The following EFCAB6 variants were observed in gnomAD, a reference collection of about 807,000 sequenced individuals.
EFCAB6 encodes EF-hand calcium-binding domain-containing protein 6.
Under a neutral mutation model 169.8 loss-of-function variants are expected in EFCAB6, and 156 were observed. That is an observed-to-expected ratio of 0.92 (90% CI 0.81 to 1.05). EFCAB6 has a LOEUF of 1.05. Ranked by LOEUF, EFCAB6 falls within the 50% of genes least tolerant of loss-of-function variation. The pLI, the probability that EFCAB6 is intolerant of heterozygous loss-of-function variation, is 0.00. For synonymous variants in EFCAB6, 698 were observed against 676.4 expected (o/e 1.03, Z -0.50); for missense variants, 1,800 against 1,829.1 (o/e 0.98, Z 0.29).
chr22:43,735,429 C>T (rs991321256), intron 7 of EFCAB6, among the ~76,000 whole-genome samples: 4 of 150,228 alleles, frequency 2.7e-5, no homozygotes, highest in Non-Finnish European at 5.9e-5. Flanking sequence ...GCAGAGCCAA[C>T]GGGGAGCACA....
chr22:43,530,015 T>C (rs2048156688), intron 31 of EFCAB6, among the ~76,000 whole-genome samples: 1 of 152,102 alleles, frequency 6.6e-6, no homozygotes, highest in South Asian at 2.1e-4. Context: ...GGGGCTGAGG[T>C]CAGCAGGCCT....
chr22:43,606,270 ATACAGCACTTAAT>A (rs2052911326), intron 22 of EFCAB6, among the ~76,000 whole-genome samples: 1 of 152,220 alleles, frequency 6.6e-6, no homozygotes, highest in Non-Finnish European at 1.5e-5. Flanking sequence ...CCTGACAGGG[ATACAGCACTTAAT>A]TACCAAGACT....
intron 4 of EFCAB6, among the ~76,000 whole-genome samples, chr22:43,769,807 G>A (rs1374960755): frequency 6.6e-6 from 1 of 151,972 alleles, no homozygotes; most frequent in South Asian, 2.1e-4. Flanking sequence ...GTGCATTAGC[G>A]TGATCGTGGC....
chr22:43,719,995 A>G (rs1020630874), intron 8 of EFCAB6, among the ~76,000 whole-genome samples: 4 of 152,190 alleles, frequency 2.6e-5, no homozygotes, highest in African/African-American at 9.7e-5. Flanking sequence ...TTGCTAAGAG[A>G]ATAGATGTTA....
rs1569181609 is a variant in EFCAB6, at chr22:43,574,563, T to C, written c.3420+1734A>G. Among the ~76,000 whole-genome samples the C allele has an allele frequency of 2.6e-5, 4 of 152,190 alleles. No homozygotes were observed. In the Middle Eastern group the frequency reaches 0.014, roughly 518 times the overall value. On this transcript the variant is annotated intron_variant, in intron 26 of 31. Coordinates refer to ENST00000262726, the MANE Select transcript of EFCAB6 (RefSeq NM_022785.4). ...TCATCATCCCCATCATCGTGGGGTC[T>C]AGATTACTGCTATCCTTTTTTACGT...
chr22:43,811,647 A>C (rs895936425), intron 1 of EFCAB6, among the ~76,000 whole-genome samples: 5 of 152,188 alleles, frequency 3.3e-5, no homozygotes, highest in Admixed American at 6.5e-5. Context: ...GTGATACAGA[A>C]ATGAGTTTGA....
chr22:43,577,688 T>C (rs935590686), intron 25 of EFCAB6, among the ~76,000 whole-genome samples: 1 of 152,082 alleles, frequency 6.6e-6, no homozygotes, highest in African/African-American at 2.4e-5. Flanking sequence ...ATCATAAGAA[T>C]GAACACAGAC....
At chr22:43,571,416 C>T (rs2049865761) in intron 26 of EFCAB6, among the ~76,000 whole-genome samples, 1 of 152,148 alleles carries the variant, frequency 6.6e-6, no homozygotes, top group African/African-American at 2.4e-5. Context: ...TGTGCATCCC[C>T]CAGAGGGAAA....
Position 43,635,249 on chromosome 22 carries a change from G to T in EFCAB6, c.1984-33C>A, listed in dbSNP as rs540280597. ...GGGAGACAGGGGAGGGTGGAGAGGC[G>T]TTAGGTGGTCCGCGGGTCACTACTC... On this transcript the variant is annotated intron_variant, in intron 17 of 31. Coordinates refer to ENST00000262726, the MANE Select transcript of EFCAB6 (RefSeq NM_022785.4). 5 of 1,531,718 alleles carry T rather than the reference G, an allele frequency of 3.3e-6. No individual in the cohort carries two copies. In the South Asian group the frequency reaches 5.6e-5, roughly 17 times the overall value. The allele number at this position is 1,531,718 out of a possible 1,614,324, so 94.9% of individuals were successfully genotyped here.
chr22:43,681,034 G>T (rs2057986403), intron 12 of EFCAB6, among the ~76,000 whole-genome samples: 1 of 152,196 alleles, frequency 6.6e-6, no homozygotes, highest in African/African-American at 2.4e-5. Flanking sequence ...TTCTCGTGCT[G>T]TCCCTGATCT....
intron 20 of EFCAB6, among the ~76,000 whole-genome samples, chr22:43,617,989 C>T (rs1461252226): frequency 6.6e-6 from 1 of 151,188 alleles, no homozygotes; most frequent in African/African-American, 2.4e-5. Flanking sequence ...ATAATCCCAG[C>T]TACTTGGGAG....
intron 17 of EFCAB6, among the ~76,000 whole-genome samples, chr22:43,637,674 C>G (rs370599284): frequency 1.3e-5 from 2 of 152,088 alleles, no homozygotes; most frequent in African/African-American, 4.8e-5. Context: ...CTGTGGAATT[C>G]GGCAGGAAGC....
chr22:43,707,750 A>G (rs896234444), intron 10 of EFCAB6, among the ~76,000 whole-genome samples: 5 of 152,170 alleles, frequency 3.3e-5, no homozygotes, highest in African/African-American at 9.7e-5. Flanking sequence ...CTACCAAAAG[A>G]TATACCTCAG....
intron 10 of EFCAB6, among the ~76,000 whole-genome samples, chr22:43,689,701 A>G (rs1460687001): frequency 1.3e-5 from 2 of 152,166 alleles, no homozygotes; most frequent in African/African-American, 4.8e-5. Flanking sequence ...GAGGAGGCCG[A>G]AACTTAGTTT....
chr22:43,704,557 C>G (rs746499671), intron 10 of EFCAB6, among the ~76,000 whole-genome samples: 4 of 152,064 alleles, frequency 2.6e-5, no homozygotes, highest in Non-Finnish European at 5.9e-5. Context: ...CTATTAATAA[C>G]AACTATAATT....
intron 12 of EFCAB6, among the ~76,000 whole-genome samples, chr22:43,679,638 C>T (rs1203325523): frequency 6.6e-6 from 1 of 152,120 alleles, no homozygotes; most frequent in Non-Finnish European, 1.5e-5. Context: ...ATATCCTTGT[C>T]AACACTTATT....
Position 43,590,200 on chromosome 22 carries a change from A to T in EFCAB6, c.2906T>A (p.Ile969Asn). The stretch of plus-strand genomic sequence containing the variant: ...ATCAGTTTTGGTGAATGCTTTGCTG[A>T]TATCTTGATGGCGGTCCATAAGCTT... ...RDKLMDRHQD[I>N]SKAFTKTDQS... The change falls in exon 24 of 32, where the codon ATC becomes AAC. Residue 969 changes from isoleucine (I) to asparagine (N), a missense_variant. By Grantham distance (149) the Ile-to-Asn change is moderately radical. Coordinates refer to ENST00000262726, the MANE Select transcript of EFCAB6 (RefSeq NM_022785.4). 3 of 1,613,982 alleles carry T rather than the reference A, an allele frequency of 1.9e-6. No individual in the cohort carries two copies. The highest frequency in any genetic ancestry group is 2.5e-6 in the Non-Finnish European group (3 of 1,179,962).
At chr22:43,637,462 G>A (rs1403240064) in intron 17 of EFCAB6, among the ~76,000 whole-genome samples, 1 of 152,238 alleles carries the variant, frequency 6.6e-6, no homozygotes, top group Non-Finnish European at 1.5e-5. Flanking sequence ...TTGTGAAAGT[G>A]TGCGCTGTAT....
In EFCAB6 at chr22:43,537,510, T is replaced by C; in HGVS notation, c.3915A>G (p.Pro1305=). The change falls in exon 29 of 32, where the codon CCA becomes CCG. Residue 1305 remains proline (P), a synonymous_variant. Coordinates refer to ENST00000262726, the MANE Select transcript of EFCAB6 (RefSeq NM_022785.4). The surrounding 1 kb of genome is among the most constrained non-coding windows in gnomAD (Gnocchi z 4.3). ...CTATGGGATCACAGTTCTGCAAGGGTGGAGTGCCCGGGATCACGGTGGTGC... is the reference window on the plus strand; with the variant it reads ...CTATGGGATCACAGTTCTGCAAGGGCGGAGTGCCCGGGATCACGGTGGTGC... The part of the protein sequence containing the change: ...PASTTVIPGT[P]PLQNCDPIES... The C allele has an allele frequency of 6.2e-7, 1 of 1,613,704 alleles. No individual in the cohort carries two copies. The highest frequency in any genetic ancestry group is 8.5e-7 in the Non-Finnish European group (1 of 1,179,904).
Sources: allele counts gnomAD v4.1 joint callset (sites outside exome capture counted in the v4.1 genomes callset), GRCh38; gene constraint gnomAD v4.1.1; non-coding constraint Gnocchi (gnomAD v3.1); transcripts MANE v1.5; gene names NCBI Gene and HGNC (gene_info 2026-07-23, HGNC 2026-07-21).